The following GABRB2 variants were observed in gnomAD, a reference collection of about 807,000 sequenced individuals.
GABRB2 encodes gamma-aminobutyric acid receptor subunit beta-2.
In GABRB2, 16 loss-of-function variants were observed where a neutral mutation model predicts 54.7. That is an observed-to-expected ratio of 0.29 (90% CI 0.20 to 0.44). GABRB2 has a LOEUF of 0.44. Among genes scored for constraint, GABRB2 ranks in the 20% least tolerant of loss-of-function variants. GABRB2 has a pLI of 1.00. For missense variants in GABRB2, 355 were observed against 644.0 expected (o/e 0.55, Z 4.86); for synonymous variants, 244 against 233.8 (o/e 1.04, Z -0.40).
intron 3 of GABRB2, among the ~76,000 whole-genome samples, chr5:161,484,969 C>T (rs1758873474): frequency 6.6e-6 from 1 of 152,000 alleles, no homozygotes; most frequent in Admixed American, 6.6e-5. Context: ...ATTTATGCTT[C>T]TGAATATTGA....
intron 9 of GABRB2, among the ~76,000 whole-genome samples, chr5:161,318,291 A>G (rs1413007374): frequency 1.3e-5 from 2 of 152,014 alleles, no homozygotes; most frequent in Non-Finnish European, 2.9e-5. Context: ...GCCGTGTTTC[A>G]TCTAATCCAT....
chr5:161,395,923 T>C (rs1440422627), intron 5 of GABRB2, among the ~76,000 whole-genome samples: 2 of 152,130 alleles, frequency 1.3e-5, no homozygotes, highest in Admixed American at 6.6e-5. Context: ...TACTTGATCT[T>C]TGGAGAATTT....
chr5:161,395,114 A>T (rs1031493705), intron 5 of GABRB2, among the ~76,000 whole-genome samples: 1 of 152,172 alleles, frequency 6.6e-6, no homozygotes, highest in African/African-American at 2.4e-5. Context: ...GGATATGATC[A>T]TCCACTGAAG....
chr5:161,421,367 G>C (rs1756845107), intron 4 of GABRB2, among the ~76,000 whole-genome samples: 1 of 152,172 alleles, frequency 6.6e-6, no homozygotes. Context: ...TAACTGAAAT[G>C]ACTTTTATAT....
At chr5:161,500,983 C>T (rs796663047) in intron 3 of GABRB2, among the ~76,000 whole-genome samples, 5 of 152,040 alleles carry the variant, frequency 3.3e-5, no homozygotes, top group African/African-American at 1.2e-4. Flanking sequence ...ATCCCTCCCC[C>T]CTCCTCCCAC....
At chr5:161,433,189 A>G (rs1450719293) in intron 4 of GABRB2, among the ~76,000 whole-genome samples, 2 of 152,172 alleles carry the variant, frequency 1.3e-5, no homozygotes, top group African/African-American at 4.8e-5. Flanking sequence ...TACATTGAGA[A>G]ACATGTATAT....
chr5:161,349,531 T>C (rs896401204), intron 5 of GABRB2, among the ~76,000 whole-genome samples: 1 of 152,086 alleles, frequency 6.6e-6, no homozygotes, highest in Non-Finnish European at 1.5e-5. Flanking sequence ...TATTTATTGA[T>C]GCACTTCTGA....
chr5:161,429,994 A>T (rs765692607), intron 4 of GABRB2, among the ~76,000 whole-genome samples: 3 of 152,232 alleles, frequency 2.0e-5, no homozygotes, highest in Admixed American at 1.3e-4. Context: ...TTTTAAAACG[A>T]AATGTCCTAA....
chr5:161,473,556 A>G (rs568590846), intron 3 of GABRB2, among the ~76,000 whole-genome samples: 7 of 152,144 alleles, frequency 4.6e-5, no homozygotes, highest in Non-Finnish European at 8.8e-5. Context: ...TTTAAAGGAA[A>G]AAGAACATTA....
intron 5 of GABRB2, among the ~76,000 whole-genome samples, chr5:161,359,518 T>C (rs1754739772): frequency 6.6e-6 from 1 of 151,898 alleles, no homozygotes; most frequent in African/African-American, 2.4e-5. Flanking sequence ...TCCCTCAGGG[T>C]ATAAGGATGG....
intron 3 of GABRB2, among the ~76,000 whole-genome samples, chr5:161,487,816 T>C (rs551833639): frequency 6.6e-6 from 1 of 152,012 alleles, no homozygotes; most frequent in Admixed American, 6.6e-5. Context: ...GAATTACAAA[T>C]GGTTAAAGAG....
chr5:161,433,261 C>T (rs1382377149), intron 4 of GABRB2, among the ~76,000 whole-genome samples: 2 of 151,916 alleles, frequency 1.3e-5, no homozygotes, highest in Admixed American at 1.3e-4. Flanking sequence ...TACAGTAATT[C>T]CAGTAATTCT....
chr5:161,470,454 A>T (rs1306895057), intron 3 of GABRB2, among the ~76,000 whole-genome samples: 1 of 151,948 alleles, frequency 6.6e-6, no homozygotes, highest in Non-Finnish European at 1.5e-5. Flanking sequence ...AACAATAATA[A>T]AATAGAACAA....
In GABRB2 at chr5:161,546,669, G is replaced by A. The variant is rs763213008; in HGVS notation, c.-26C>T. ...CCCTTTAGTTTTTGATGGAATTGAGGGTTTCACTGAAGAGAGGAGATCCAA... is the reference window on the plus strand; with the variant it reads ...CCCTTTAGTTTTTGATGGAATTGAGAGTTTCACTGAAGAGAGGAGATCCAA... On this transcript the variant is annotated 5_prime_UTR_variant, in exon 1 of 10. Transcript: ENST00000393959. The A allele has an allele frequency of 1.7e-5, 26 of 1,571,918 alleles. No homozygotes were observed. The highest frequency in any genetic ancestry group is 2.2e-5 in the Non-Finnish European group (26 of 1,157,060).
chr5:161,311,028 G>A (rs745682652), intron 9 of GABRB2, among the ~76,000 whole-genome samples: 4 of 152,110 alleles, frequency 2.6e-5, no homozygotes, highest in Non-Finnish European at 5.9e-5. Context: ...CCAAAGTGCT[G>A]GGATTACAGG....
At chr5:161,474,962 C>T (rs1027977895) in intron 3 of GABRB2, among the ~76,000 whole-genome samples, 2 of 151,792 alleles carry the variant, frequency 1.3e-5, no homozygotes, top group African/African-American at 4.8e-5. Flanking sequence ...CTAGACTAAA[C>T]GTGACCACCA....
chr5:161,442,380 T>A (rs1265428160), intron 4 of GABRB2, among the ~76,000 whole-genome samples: 1 of 152,046 alleles, frequency 6.6e-6, no homozygotes, highest in African/African-American at 2.4e-5. Context: ...TTGGGGGAAA[T>A]TAGTGATGAT....
chr5:161,437,419 A>C (rs907480333), intron 4 of GABRB2, among the ~76,000 whole-genome samples: 1 of 152,094 alleles, frequency 6.6e-6, no homozygotes, highest in Non-Finnish European at 1.5e-5. Context: ...CCTCGCCTTG[A>C]AGGAAAAGAC....
At chr5:161,397,335 T>C (rs552810436) in intron 5 of GABRB2, among the ~76,000 whole-genome samples, 4 of 152,306 alleles carry the variant, frequency 2.6e-5, no homozygotes, top group African/African-American at 9.6e-5. Flanking sequence ...GTAATAGATG[T>C]TTCCCATTTC....
Sources: gnomAD v4.1 joint callset for allele counts (sites outside exome capture counted in the v4.1 genomes callset) on GRCh38, gnomAD v4.1.1 for gene constraint, MANE v1.5 for transcripts, NCBI Gene and HGNC (gene_info 2026-07-23, HGNC 2026-07-21) for gene names.